CTNNA3: variants seen among roughly 807,000 people sequenced by gnomAD.
CTNNA3 encodes the protein catenin alpha-3.
Under a neutral mutation model 95.7 loss-of-function variants are expected in CTNNA3, and 76 were observed. The observed-to-expected ratio is 0.79, with a 90% CI of 0.66 to 0.96. The LOEUF (loss-of-function observed/expected upper bound fraction) is 0.96, where lower values mean the gene tolerates loss of function less well. Ranked by LOEUF, CTNNA3 falls within the 40% of genes least tolerant of loss-of-function variation. CTNNA3 has a pLI of 0.00. For synonymous variants in CTNNA3, 431 were observed against 374.4 expected (o/e 1.15, Z -1.74); for missense variants, 1,191 against 1,089.8 (o/e 1.09, Z -1.31).
intron 5 of CTNNA3, among the ~76,000 whole-genome samples, chr10:67,338,089 G>A (rs1842058076): frequency 6.6e-6 from 1 of 152,182 alleles, no homozygotes; most frequent in South Asian, 2.1e-4. Flanking sequence ...GCCAGATTGT[G>A]TTAGGCTATT....
chr10:66,578,884 A>T (rs192314474), intron 10 of CTNNA3, among the ~76,000 whole-genome samples: 3 of 151,474 alleles, frequency 2.0e-5, no homozygotes, highest in Admixed American at 2.0e-4. Flanking sequence ...CCCTTCTCAA[A>T]TTTTGGAATA....
intron 7 of CTNNA3, among the ~76,000 whole-genome samples, chr10:67,047,503 A>G (rs1208857859): frequency 6.6e-6 from 1 of 152,168 alleles, no homozygotes; most frequent in Non-Finnish European, 1.5e-5. Context: ...CCAGCCTGTC[A>G]CAAGGAGAAA....
At chr10:67,589,915 A>G (rs1044923227) in intron 3 of CTNNA3, among the ~76,000 whole-genome samples, 1 of 152,128 alleles carries the variant, frequency 6.6e-6, no homozygotes, top group African/African-American at 2.4e-5. Context: ...CAACAAAACT[A>G]AATAATATTT....
chr10:66,527,690 A>T (rs1841316969), intron 10 of CTNNA3, among the ~76,000 whole-genome samples: 2 of 152,080 alleles, frequency 1.3e-5, no homozygotes, highest in Non-Finnish European at 2.9e-5. Context: ...TTCATTTCGT[A>T]TGATGCTATT....
chr10:66,486,360 C>G (rs1220964143), intron 11 of CTNNA3, among the ~76,000 whole-genome samples: 1 of 151,966 alleles, frequency 6.6e-6, no homozygotes, highest in Non-Finnish European at 1.5e-5. Flanking sequence ...TAGCAAAATA[C>G]AAATAAGACA....
At chr10:66,156,206 A>G (rs2084499489) in intron 13 of CTNNA3, among the ~76,000 whole-genome samples, 1 of 151,866 alleles carries the variant, frequency 6.6e-6, no homozygotes, top group South Asian at 2.1e-4. Flanking sequence ...TATATCCCAG[A>G]CTTGGAGCTG....
At chr10:66,554,068 A>G (rs1359812400) in intron 10 of CTNNA3, among the ~76,000 whole-genome samples, 1 of 150,030 alleles carries the variant, frequency 6.7e-6, no homozygotes, top group Non-Finnish European at 1.5e-5. Context: ...ACACTTCACA[A>G]TTTTCCTTTG....
At chr10:66,185,342 T>C (rs7895026) in intron 13 of CTNNA3, among the ~76,000 whole-genome samples, 21,178 of 151,964 alleles carry the variant, frequency 0.14, 2,429 homozygotes, top group African/African-American at 0.32. Flanking sequence ...AGATATAACC[T>C]TACCCCCACT....
intron 5 of CTNNA3, among the ~76,000 whole-genome samples, chr10:67,318,480 C>G (rs1185185178): frequency 6.6e-6 from 1 of 152,136 alleles, no homozygotes; most frequent in African/African-American, 2.4e-5. Context: ...GATCTTTCCC[C>G]AGTAAAATGC....
At chr10:67,253,861 C>T (rs993843538) in intron 5 of CTNNA3, among the ~76,000 whole-genome samples, 1 of 152,092 alleles carries the variant, frequency 6.6e-6, no homozygotes, top group Admixed American at 6.5e-5. Flanking sequence ...AATATGAGGG[C>T]CACTCAAATA....
At chr10:67,166,056 T>C (rs773430981) in intron 7 of CTNNA3, among the ~76,000 whole-genome samples, 87 of 152,354 alleles carry the variant, frequency 5.7e-4, no homozygotes, top group Non-Finnish European at 9.3e-4. Flanking sequence ...CCCCCAGTAC[T>C]GCACTTAAAA....
chr10:66,682,327 C>A (rs1020722699), intron 9 of CTNNA3, among the ~76,000 whole-genome samples: 1 of 151,734 alleles, frequency 6.6e-6, no homozygotes, highest in African/African-American at 2.4e-5. Flanking sequence ...TTATACAATG[C>A]ACAATAATAA....
intron 12 of CTNNA3, among the ~76,000 whole-genome samples, chr10:66,329,546 T>C (rs2132313235): frequency 6.7e-6 from 1 of 149,020 alleles, no homozygotes; most frequent in East Asian, 2.0e-4. Flanking sequence ...AGCTCTGTCA[T>C]TAGAAACCCT....
chr10:66,511,335 A>G (rs1265707443), intron 11 of CTNNA3, among the ~76,000 whole-genome samples: 1 of 151,444 alleles, frequency 6.6e-6, no homozygotes, highest in Non-Finnish European at 1.5e-5. Context: ...TTTTTCATGA[A>G]TCTTTTGTTT....
Position 66,445,186 on chromosome 10 carries a change from C to T in CTNNA3, c.1532-65834G>A, listed in dbSNP as rs2093409742. The stretch of plus-strand genomic sequence containing the variant: ...GATTCATAAAGCAAGTCCTTAGTGA[C>T]CTACAAAGAGACTTAGACTCCCACA... On this transcript the variant is annotated intron_variant, in intron 11 of 17. Coordinates refer to ENST00000433211, the MANE Select transcript of CTNNA3 (RefSeq NM_013266.4). 2.1e-5 allele frequency among the ~76,000 whole-genome samples: 3 copies of T among 141,248 alleles called. 1 individual carries two copies. The highest frequency in any genetic ancestry group is 1.4e-4 in the Admixed American group (2 of 14,388). 92.7% of individuals were successfully genotyped at this position (141,248 alleles called of 152,430 possible).
At chr10:67,125,203 C>G (rs557204639) in intron 7 of CTNNA3, among the ~76,000 whole-genome samples, 16 of 151,976 alleles carry the variant, frequency 1.1e-4, no homozygotes, top group African/African-American at 3.6e-4. Flanking sequence ...GTAAGGAAAC[C>G]AAAACAACCA....
At position 67,705,953 on chromosome 10, in the gene CTNNA3, GA is replaced by G. The variant is rs574482351; in HGVS notation, c.-2+57480del. Among the ~76,000 whole-genome samples, 160 of 152,158 alleles carry G rather than the reference GA, an allele frequency of 1.1e-3. 1 individual carries two copies. Among genetic ancestry groups the G allele is most frequent in the Middle Eastern group, 3.4e-3 (1 of 294 alleles). ...TTTTTATTCCAAAGCTGGCTTAGGG[GA>G]AGAAGTGCAGACTTCTGCCTTTAAG... On this transcript the variant is annotated intron_variant, in intron 1 of 17. Coordinates refer to the CTNNA3 transcript ENST00000684154.
chr10:66,109,104 G>A lies in CTNNA3; in HGVS notation c.1885-5855C>T, dbSNP rs374309240. On this transcript the variant is annotated intron_variant, in intron 13 of 17. Coordinates refer to ENST00000433211, the MANE Select transcript of CTNNA3 (RefSeq NM_013266.4). ...GGATAAAAAAGACTTCAGAGAAAAT[G>A]TCATCCAGTAAGCCCAGAACAGTGT... is the stretch of plus-strand genomic sequence containing the variant. Among the ~76,000 whole-genome samples, 13 of 152,138 alleles carry A rather than the reference G, an allele frequency of 8.5e-5. No individual in the cohort carries two copies. In the East Asian group the frequency reaches 1.2e-3, roughly 14 times the overall value.
intron 11 of CTNNA3, among the ~76,000 whole-genome samples, chr10:66,385,719 A>G (rs1031524460): frequency 2.0e-5 from 3 of 152,202 alleles, no homozygotes; most frequent in Non-Finnish European, 2.9e-5. Flanking sequence ...TGAATCCAGC[A>G]GCACATCAAA....
Sources: allele counts gnomAD v4.1 joint callset (sites outside exome capture counted in the v4.1 genomes callset), GRCh38; gene constraint gnomAD v4.1.1; transcripts MANE v1.5; gene names NCBI Gene and HGNC (gene_info 2026-07-23, HGNC 2026-07-21).